TDRD12: variants seen among roughly 807,000 people sequenced by gnomAD.
The protein encoded by TDRD12 is tudor domain containing 12.
A neutral mutation model predicts 133.5 loss-of-function variants in TDRD12; 158 were observed. That is an observed-to-expected ratio of 1.18 (90% CI 1.04 to 1.35). The LOEUF (loss-of-function observed/expected upper bound fraction) is 1.35, where lower values mean the gene tolerates loss of function less well. Among genes scored for constraint, TDRD12 ranks in the 40% most tolerant of loss-of-function variants. The pLI is 0.00. For missense variants in TDRD12, 1,443 were observed against 1,321.3 expected (o/e 1.09, Z -1.43); for synonymous variants, 460 against 477.9 (o/e 0.96, Z 0.49).
chr19:32,730,066 A>G (rs955434163), intron 1 of TDRD12, among the ~76,000 whole-genome samples: 3 of 152,058 alleles, frequency 2.0e-5, no homozygotes, highest in African/African-American at 4.8e-5. Flanking sequence ...CTGGGATTAC[A>G]GGTGTGAGCC....
intron 14 of TDRD12, among the ~76,000 whole-genome samples, chr19:32,796,516 C>T (rs1395374084): frequency 1.3e-5 from 2 of 150,716 alleles, no homozygotes; most frequent in Non-Finnish European, 2.9e-5. Context: ...ACCTGGGAGG[C>T]GGAGGTTGCG....
chr19:32,801,705 T>A (rs772597358), intron 18 of TDRD12, 51 bp from the exon 19 acceptor site: 4 of 644,108 alleles, frequency 6.2e-6, no homozygotes, highest in Non-Finnish European at 9.8e-6. Context: ...AACGGTTGGC[T>A]TCCAGCCTAT....
intron 2 of TDRD12, among the ~76,000 whole-genome samples, chr19:32,737,314 C>T (rs1297252695): frequency 6.6e-6 from 1 of 152,030 alleles, no homozygotes; most frequent in Non-Finnish European, 1.5e-5. Flanking sequence ...AAGTGATCCT[C>T]CTGCCTCAGC....
chr19:32,817,453 T>C (rs1212528898), intron 26 of TDRD12, among the ~76,000 whole-genome samples: 1 of 152,122 alleles, frequency 6.6e-6, no homozygotes, highest in African/African-American at 2.4e-5. Context: ...TTCCTTCCCT[T>C]TGAAGCTCAT....
intron 8 of TDRD12, 35 bp from the exon 9 acceptor site, chr19:32,772,718 G>T: frequency 7.9e-7 from 1 of 1,257,870 alleles, no homozygotes; most frequent in Non-Finnish European, 1.1e-6. Context: ...ATCACTTTTT[G>T]GTGTAGCTTT....
chr19:32,827,957 TTTGCTACA>T (rs1349562560), exon 10 of TDRD12: 2 of 152,168 alleles, frequency 1.3e-5, no homozygotes, highest in African/African-American at 4.8e-5. Context: ...CACCTAGACC[TTTGCTACA>T]TTGCTACAAA....
At chr19:32,755,763 C>T (rs908197834) in intron 6 of TDRD12, among the ~76,000 whole-genome samples, 3 of 152,190 alleles carry the variant, frequency 2.0e-5, no homozygotes, top group Admixed American at 6.5e-5. Flanking sequence ...TGCGTATGTC[C>T]AAGAAGACAT....
At chr19:32,750,872 A>T (rs535962148) in intron 6 of TDRD12, among the ~76,000 whole-genome samples, 41 of 152,250 alleles carry the variant, frequency 2.7e-4, no homozygotes, top group Non-Finnish European at 5.0e-4. Context: ...CAGAAGTGAT[A>T]CTGTGCCCTT....
At chr19:32,726,448 C>G (rs143572785) in intron 1 of TDRD12, among the ~76,000 whole-genome samples, 3 of 152,292 alleles carry the variant, frequency 2.0e-5, no homozygotes, top group Admixed American at 2.0e-4. Flanking sequence ...TTTTGCAAAA[C>G]TGAAACTCTG....
Position 32,821,137 on chromosome 19 carries a change from CTGGTGGG to C in TDRD12, c.3490_3496del (p.Gly1164ThrfsTer8). ...AAGACGAGCTCAGAAAACCAGAAGC[CTGGTGGG>C]TACTTGGTATTCAAAAGATGGTTAA... On this transcript the variant is annotated frameshift_variant, in exon 28 of 28. Transcript: ENST00000444215. LOFTEE classifies it low-confidence loss of function (END_TRUNC). 6.5e-7 allele frequency: 1 copy of C among 1,535,494 alleles called. No homozygotes were observed. Among genetic ancestry groups the C allele is most frequent in the Non-Finnish European group, 8.7e-7 (1 of 1,146,444 alleles).
intron 10 of TDRD12, among the ~76,000 whole-genome samples, chr19:32,774,062 G>A (rs907820445): frequency 3.9e-5 from 6 of 152,204 alleles, no homozygotes; most frequent in African/African-American, 9.7e-5. Context: ...GAATGGTTTC[G>A]TGAGTATCAG....
At chr19:32,761,393 G>T (rs930763887) in intron 8 of TDRD12, among the ~76,000 whole-genome samples, 2 of 152,148 alleles carry the variant, frequency 1.3e-5, no homozygotes, top group Non-Finnish European at 2.9e-5. Context: ...GCCTCCCAAA[G>T]TGCTGGGATT....
rs150491517 is a variant in TDRD12 at position 32,809,324 on chromosome 19, G to C, written c.2653-769G>C. ...CAGGCTCGCTTGTTGCACTGGCTGA[G>C]CCCGTTTCCAGGGAGGGCCTCTTGC... On this transcript the variant is annotated intron_variant, in intron 22 of 27. Coordinates refer to ENST00000444215, the Ensembl canonical transcript of TDRD12. Among the ~76,000 whole-genome samples, 913 of 152,298 alleles carry C rather than the reference G, an allele frequency of 6.0e-3. 9 individuals are homozygous for C. Among genetic ancestry groups the C allele is most frequent in the African/African-American group, 0.02 (844 of 41,556 alleles).
At chr19:32,822,543 C>T (rs1419099440), downstream of TDRD12, among the ~76,000 whole-genome samples, 1 of 152,128 alleles carries the variant, frequency 6.6e-6, no homozygotes, top group Non-Finnish European at 1.5e-5. Context: ...GTCAGGAGAT[C>T]GAGACCATCG....
chr19:32,791,091 A>C (rs765467802), intron 13 of TDRD12, 23 bp downstream of exon 13: 45 of 1,521,460 alleles, frequency 3.0e-5, no homozygotes, highest in Non-Finnish European at 3.9e-5. Flanking sequence ...GTAAAACTGA[A>C]TTTATCAAGA....
intron 1 of TDRD12, among the ~76,000 whole-genome samples, chr19:32,721,769 G>A (rs977101464): frequency 6.7e-5 from 10 of 149,276 alleles, no homozygotes; most frequent in African/African-American, 2.3e-4. Flanking sequence ...GTGCAGTGGC[G>A]CGATCTCAGC....
At chr19:32,820,256 C>T (rs1967332512) in intron 27 of TDRD12, among the ~76,000 whole-genome samples, 1 of 152,152 alleles carries the variant, frequency 6.6e-6, no homozygotes, top group Non-Finnish European at 1.5e-5. Flanking sequence ...CAGCACACCC[C>T]TCCTCCTCGT....
At chr19:32,805,210 CACACACACACAT>C (rs1971511407) in intron 21 of TDRD12, among the ~76,000 whole-genome samples, 3 of 24,940 alleles carry the variant, frequency 1.2e-4, no homozygotes, top group African/African-American at 4.2e-4. Context: ...CACACACACA[CACACACACACAT>C]ATATATATAT....
Position 32,798,442 on chromosome 19 carries a change from G to T in TDRD12, c.1758+7G>T. On this transcript the variant is annotated splice_region_variant and intron_variant, in intron 16 of 27. Coordinates refer to ENST00000444215, the Ensembl canonical transcript of TDRD12. The stretch of plus-strand genomic sequence containing the variant: ...CTTGGAAGCCAATGAACAGGTGAGC[G>T]TGGCTTAAGGTCCTCAGCACTCAGA... 1 of 1,529,242 alleles carries T rather than the reference G, an allele frequency of 6.5e-7. No individual in the cohort carries two copies. Among genetic ancestry groups the T allele is most frequent in the Non-Finnish European group, 8.8e-7 (1 of 1,141,192 alleles). The allele number at this position is 1,529,242 out of a possible 1,614,324, so 94.7% of individuals were successfully genotyped here.
Sources: allele counts gnomAD v4.1 joint callset (sites outside exome capture counted in the v4.1 genomes callset), GRCh38; gene constraint gnomAD v4.1.1; transcripts MANE v1.5; gene names NCBI Gene and HGNC (gene_info 2026-07-23, HGNC 2026-07-21).